Variants in CUBN observed in about 807,000 individuals in gnomAD.
The protein encoded by CUBN is cubilin, also known as 460 kDa receptor.
Under a neutral mutation model 405.3 loss-of-function variants are expected in CUBN, and 282 were observed. The observed-to-expected ratio is 0.70, with a 90% CI of 0.63 to 0.77. The LOEUF is 0.77. Ranked by LOEUF, CUBN falls within the 30% of genes least tolerant of loss-of-function variation. The pLI is 0.00. For missense variants in CUBN, 4,514 were observed against 4,475.2 expected, an observed-to-expected ratio of 1.01 and a Z score of -0.25; for synonymous variants, 1,684 against 1,617.0, an observed-to-expected ratio of 1.04 and a Z score of -0.99.
chr10:16,925,228 T>C lies in CUBN; in HGVS notation c.6646+13A>G. The C allele has an allele frequency of 6.2e-7, 1 of 1,603,436 alleles. No individual in the cohort carries two copies. The highest frequency in any genetic ancestry group is 8.5e-7 in the Non-Finnish European group (1 of 1,170,506). On this transcript the variant is annotated intron_variant, in intron 43 of 66. Coordinates refer to ENST00000377833, the MANE Select transcript of CUBN (RefSeq NM_001081.4). ...CAGGAAAAGCAGATATAATTCTCAG[T>C]GAAAATACTTACCTAAACTCTTTGC...
At chr10:16,872,487 G>A (rs1321460060) in intron 58 of CUBN, among the ~76,000 whole-genome samples, 1 of 152,024 alleles carries the variant, frequency 6.6e-6, no homozygotes, top group Non-Finnish European at 1.5e-5. Flanking sequence ...TATAGGAAGT[G>A]GGGCCTATGG....
Position 16,915,322 on chromosome 10 carries a change from C to G in CUBN, c.7211-150G>C, listed in dbSNP as rs1226239371. ...AATCTCTGTCAAGACAACAGGAAAA[C>G]ATGAATAAAAATGAACATATTCAAA... On this transcript the variant is annotated intron_variant, in intron 46 of 66. Coordinates refer to ENST00000377833, the MANE Select transcript of CUBN (RefSeq NM_001081.4). 5 of 952,706 alleles carry G rather than the reference C, an allele frequency of 5.2e-6. No individual in the cohort carries two copies. The Admixed American group carries it at 9.6e-5, about 18-fold the overall frequency. 59.0% of individuals were successfully genotyped at this position (952,706 alleles called of 1,614,324 possible). A position where few individuals can be genotyped will look rare whatever the true frequency, so the allele number is the denominator to read the frequency against.
rs949683070 is a variant in CUBN at position 17,019,762 on chromosome 10, G to A, written c.4168+71C>T. The A allele has an allele frequency of 1.9e-6, 3 of 1,579,270 alleles. No homozygotes were observed. The African/African-American group carries it at 4.0e-5, about 21-fold the overall frequency. On this transcript the variant is annotated intron_variant, in intron 28 of 66. Transcript: ENST00000377833. The stretch of plus-strand genomic sequence containing the variant: ...TGTTCATGGTATTGTTTCTAAGTTT[G>A]GAACTGAAAAAGAAAAAATTCTTGG...
intron 8 of CUBN, among the ~76,000 whole-genome samples, chr10:17,111,462 G>A (rs556261875): frequency 2.0e-5 from 3 of 152,218 alleles, no homozygotes; most frequent in Non-Finnish European, 4.4e-5. Context: ...CCGCAGCACT[G>A]TTTAATAGGG....
rs76911060 is a variant in CUBN, at chr10:16,861,844, A to G, written c.9454+7792T>C. Among the ~76,000 whole-genome samples, 1,365 of 152,056 alleles carry G rather than the reference A, an allele frequency of 9.0e-3. 22 individuals are homozygous for G. The highest frequency in any genetic ancestry group is 0.03 in the African/African-American group (1,260 of 41,474). On this transcript the variant is annotated intron_variant, in intron 59 of 66. Transcript: ENST00000377833. ...TTGCTTCCAGTGCCCTTTTGCATACATTTCTGTTAAAAAGAATCCCTGGGG... is the reference window on the plus strand; with the variant it reads ...TTGCTTCCAGTGCCCTTTTGCATACGTTTCTGTTAAAAAGAATCCCTGGGG...
chr10:16,873,617 G>A (rs1840419818), intron 58 of CUBN, among the ~76,000 whole-genome samples: 1 of 151,478 alleles, frequency 6.6e-6, no homozygotes, highest in Admixed American at 6.6e-5. Flanking sequence ...AGCTACTCAG[G>A]AGGCTGAGGT....
chr10:16,840,759 T>C lies in CUBN; in HGVS notation c.9826+126A>G, dbSNP rs902243952. ...GGTGTTTAGCAATTGACATTGAGTT[T>C]AGATAGTAATTGACATTGAGTTTAG... On this transcript the variant is annotated intron_variant, in intron 61 of 66. Transcript: ENST00000377833. 4.4e-6 allele frequency: 4 copies of C among 910,588 alleles called. No homozygotes were observed. In the African/African-American group the frequency reaches 4.9e-5, roughly 11 times the overall value. The allele number at this position is 910,588 out of a possible 1,614,324, so 56.4% of individuals were successfully genotyped here. A position where few individuals can be genotyped will look rare whatever the true frequency, so the allele number is the denominator to read the frequency against.
chr10:17,005,657 A>AT (rs1007041141), intron 28 of CUBN, among the ~76,000 whole-genome samples: 55 of 152,046 alleles, frequency 3.6e-4, no homozygotes, highest in African/African-American at 1.3e-3. Flanking sequence ...TGTCCTAGCT[A>AT]TTTTTTTCTG....
chr10:17,120,804 C>T (rs1424731382), intron 6 of CUBN, among the ~76,000 whole-genome samples: 1 of 152,150 alleles, frequency 6.6e-6, no homozygotes, highest in Non-Finnish European at 1.5e-5. Flanking sequence ...TCACAGTTTG[C>T]CCATACTTGT....
At chr10:17,048,073 G>A (rs778365276) in intron 22 of CUBN, among the ~76,000 whole-genome samples, 9 of 152,244 alleles carry the variant, frequency 5.9e-5, no homozygotes. Flanking sequence ...GAGTGATCTC[G>A]AATGAAAACC....
intron 40 of CUBN, among the ~76,000 whole-genome samples, chr10:16,930,225 C>A (rs1042388191): frequency 6.6e-6 from 1 of 152,168 alleles, no homozygotes; most frequent in African/African-American, 2.4e-5. Context: ...GACACTGAGG[C>A]CCCAAGATTA....
intron 9 of CUBN, among the ~76,000 whole-genome samples, chr10:17,110,253 T>A (rs536586179): frequency 2.0e-5 from 3 of 152,350 alleles, no homozygotes; most frequent in Admixed American, 6.5e-5. Flanking sequence ...GCCTGTGGTT[T>A]AGTAAACTTG....
At position 17,045,964 on chromosome 10, in the gene CUBN, A is replaced by C; in HGVS notation, c.3460T>G (p.Phe1154Val). 1 of 1,614,046 alleles carries C rather than the reference A, an allele frequency of 6.2e-7. No homozygotes were observed. The highest frequency in any genetic ancestry group is 8.5e-7 in the Non-Finnish European group (1 of 1,179,974). The part of the protein sequence containing the change: ...KSDQIDTRSG[F>V]SAYWDGSSTG... The stretch of plus-strand genomic sequence containing the variant: ...GATGACCCATCCCAGTAAGCTGAGA[A>C]TCCAGACCTTGTGTCTATTTGGTCA... Residue 1154 changes from phenylalanine to valine, a missense_variant, in exon 24 of 67, where the codon TTC becomes GTC. By Grantham distance (50) the Phe-to-Val change is conservative. Around this residue, in one of 5 missense-constraint regions of CUBN, gnomAD observed 242 missense variants for 309.0 expected, o/e 0.78. Transcript: ENST00000377833.
intron 6 of CUBN, among the ~76,000 whole-genome samples, chr10:17,121,672 T>G (rs1430819846): frequency 2.0e-5 from 3 of 151,940 alleles, no homozygotes; most frequent in Non-Finnish European, 2.9e-5. Flanking sequence ...ATTGTGCACA[T>G]GTACCCTAAA....
At position 16,924,031 on chromosome 10, in the gene CUBN, G is replaced by C. The variant is rs553208395; in HGVS notation, c.6646+1210C>G. ...GGTTGCAGTAGGCTGAGATCATGCC[G>C]CTGTACTCTAGCCTGGGCGACAGAG... On this transcript the variant is annotated intron_variant, in intron 43 of 66. Coordinates refer to ENST00000377833, the MANE Select transcript of CUBN (RefSeq NM_001081.4). 1.1e-3 allele frequency among the ~76,000 whole-genome samples: 170 copies of C among 152,198 alleles called. 1 individual carries two copies. Among genetic ancestry groups the C allele is most frequent in the Non-Finnish European group, 2.1e-3 (142 of 67,998 alleles).
intron 31 of CUBN, among the ~76,000 whole-genome samples, chr10:16,960,436 G>C (rs1275090698): frequency 6.6e-6 from 1 of 152,190 alleles, no homozygotes. Flanking sequence ...AGGCTACAAT[G>C]AGTGGAGATG....
At chr10:17,114,274 G>A in intron 7 of CUBN, 85 bp from the exon 8 acceptor site, 3 of 1,345,896 alleles carry the variant, frequency 2.2e-6, no homozygotes, top group Middle Eastern at 3.6e-4. Context: ...GCCCCTAACT[G>A]TTTATCCTCT....
intron 27 of CUBN, 131 bp from the exon 28 acceptor site, chr10:17,020,114 G>T: frequency 1.1e-6 from 1 of 908,992 alleles, no homozygotes; most frequent in Non-Finnish European, 1.8e-6. Flanking sequence ...GGTGGGTTGA[G>T]TACACAGAAC....
rs776211726 is a variant in CUBN, at chr10:17,111,049, G to T, written c.885C>A (p.Gly295=). ...CGCAAATATATCCATTGCCTTGCCA[G>T]CCTAGGAAAACAAGAGGATTTAAAA... ...GSFYCGACPT[G]WQGNGYICED... is the part of the protein sequence containing the mutation. The change falls in exon 9 of 67, where the codon GGC becomes GGA. Residue 295 remains glycine (G), a splice_region_variant and synonymous_variant. Transcript: ENST00000377833. 6.2e-7 allele frequency: 1 copy of T among 1,613,968 alleles called. No homozygotes were observed. Among genetic ancestry groups the T allele is most frequent in the Non-Finnish European group, 8.5e-7 (1 of 1,179,984 alleles).
Sources: allele counts gnomAD v4.1 joint callset (sites outside exome capture counted in the v4.1 genomes callset), GRCh38; gene constraint gnomAD v4.1.1; regional missense constraint gnomAD v4.1.1; transcripts MANE v1.5; gene names NCBI Gene and HGNC (gene_info 2026-07-23, HGNC 2026-07-21).